FBXO34: variants seen among roughly 807,000 people sequenced by gnomAD.
FBXO34 encodes the protein F-box only protein 34.
Under a neutral mutation model 24.5 loss-of-function variants are expected in FBXO34, and 12 were observed. That is an observed-to-expected ratio of 0.49 (90% CI 0.31 to 0.79). FBXO34 has a LOEUF of 0.79. Among genes scored for constraint, FBXO34 ranks in the 30% least tolerant of loss-of-function variants. The pLI, the probability that FBXO34 is intolerant of heterozygous loss-of-function variation, is 0.04. For missense variants in FBXO34, 823 were observed against 857.7 expected (o/e 0.96, Z 0.51); for synonymous variants, 320 against 311.9 (o/e 1.03, Z -0.27).
intron 1 of FBXO34, among the ~76,000 whole-genome samples, chr14:55,337,375 A>C (rs896250194): frequency 6.6e-6 from 1 of 152,224 alleles, no homozygotes; most frequent in Non-Finnish European, 1.5e-5. Context: ...AATTGACACC[A>C]CAACAGTATA....
chr14:55,431,124 A>T, the FBXO34 span, among the ~76,000 whole-genome samples: 4 of 152,148 alleles, frequency 2.6e-5, no homozygotes, highest in Non-Finnish European at 4.4e-5. Flanking sequence ...TATCCCTCAT[A>T]CTCTTGCTGT....
In FBXO34 at chr14:55,353,381, C is replaced by G. The variant is rs866815242; in HGVS notation, c.*855C>G. On this transcript the variant is annotated 3_prime_UTR_variant, in exon 2 of 2. Coordinates refer to ENST00000313833, the MANE Select transcript of FBXO34 (RefSeq NM_017943.4). ...TTTCCTGTATAATATATGAATGTTT[C>G]TGAGAAGAAACTCTAAATAGTTGAA... 1 of 166,362 alleles carries G rather than the reference C, an allele frequency of 6.0e-6. No homozygotes were observed. The allele number at this position is 166,362 out of a possible 1,614,324, so 10.3% of individuals were successfully genotyped here. A position where few individuals can be genotyped will look rare whatever the true frequency, so the allele number is the denominator to read the frequency against.
At chr14:55,396,030 C>T in the FBXO34 span, 11 of 1,430,434 alleles carry the variant, frequency 7.7e-6, no homozygotes, top group Admixed American at 1.8e-4. Flanking sequence ...TAATAAAATT[C>T]TGTGAAGTTC....
At chr14:55,294,355 T>G (rs374610646) in intron 1 of FBXO34, among the ~76,000 whole-genome samples, 2 of 152,056 alleles carry the variant, frequency 1.3e-5, no homozygotes, top group Admixed American at 1.3e-4. Flanking sequence ...AGTGCAGTGG[T>G]GTGAACACTG....
At chr14:55,284,537 A>G (rs1238983665) in intron 1 of FBXO34, among the ~76,000 whole-genome samples, 1 of 141,522 alleles carries the variant, frequency 7.1e-6, no homozygotes. Context: ...AAAAAAGTGA[A>G]TGATTTATTT....
chr14:55,438,908 A>G, the FBXO34 span: 1 of 128,012 alleles, frequency 7.8e-6, no homozygotes, highest in Admixed American at 7.4e-5. Flanking sequence ...TCTCCCACCA[A>G]AAAAAAAAAA....
chr14:55,386,830 T>G, the FBXO34 span, among the ~76,000 whole-genome samples: 1 of 152,218 alleles, frequency 6.6e-6, no homozygotes, highest in African/African-American at 2.4e-5. Context: ...TTCACTTGAA[T>G]GACAAAAACA....
the FBXO34 span, among the ~76,000 whole-genome samples, chr14:55,408,682 G>C: frequency 6.6e-6 from 1 of 152,170 alleles, no homozygotes; most frequent in African/African-American, 2.4e-5. Context: ...AAGATGGGAG[G>C]ATTGCTTGAG....
At chr14:55,382,751 C>T in the FBXO34 span, among the ~76,000 whole-genome samples, 8,863 of 152,216 alleles carry the variant, frequency 0.058, 327 homozygotes, top group South Asian at 0.09. Context: ...GAAGACGGAA[C>T]CATGAGGTAG....
the FBXO34 span, among the ~76,000 whole-genome samples, chr14:55,410,166 C>G: frequency 6.6e-6 from 1 of 152,108 alleles, no homozygotes; most frequent in Non-Finnish European, 1.5e-5. Context: ...TGATGGAAAA[C>G]AAGGAGTTCA....
chr14:55,279,116 C>T (rs770665515), intron 1 of FBXO34, among the ~76,000 whole-genome samples: 41 of 151,944 alleles, frequency 2.7e-4, no homozygotes, highest in Middle Eastern at 3.2e-3. Context: ...TGGTGAAACC[C>T]CATCTACTAA....
chr14:55,401,770 A>G, the FBXO34 span, among the ~76,000 whole-genome samples: 1 of 152,208 alleles, frequency 6.6e-6, no homozygotes, highest in African/African-American at 2.4e-5. Flanking sequence ...CACCAGAGAA[A>G]GCACACAACC....
the FBXO34 span, chr14:55,411,910 G>C: frequency 3.9e-6 from 5 of 1,275,648 alleles, no homozygotes; most frequent in Non-Finnish European, 5.4e-6. Context: ...GGGAAGGGGG[G>C]CTGGGATGCC....
intron 1 of FBXO34, among the ~76,000 whole-genome samples, chr14:55,316,322 C>T (rs1221715175): frequency 6.6e-6 from 1 of 151,936 alleles, no homozygotes; most frequent in Non-Finnish European, 1.5e-5. Context: ...TGCAGTGGCT[C>T]ACACCTGTAA....
chr14:55,432,967 C>G, the FBXO34 span, among the ~76,000 whole-genome samples: 1 of 152,170 alleles, frequency 6.6e-6, no homozygotes, highest in African/African-American at 2.4e-5. Context: ...ATCCATTTAT[C>G]TGCAATGAGG....
At chr14:55,348,432 G>A (rs1300544073) in intron 1 of FBXO34, among the ~76,000 whole-genome samples, 4 of 152,168 alleles carry the variant, frequency 2.6e-5, no homozygotes, top group Non-Finnish European at 4.4e-5. Flanking sequence ...AGGTCTTGCC[G>A]CGTTGCCCAG....
At chr14:55,296,391 G>GTTTTGTTTTTTTTTTTTT (rs1338074763) in intron 1 of FBXO34, among the ~76,000 whole-genome samples, 2 of 64,764 alleles carry the variant, frequency 3.1e-5, no homozygotes, top group African/African-American at 1.1e-4. Flanking sequence ...TGTTTTTTTT[G>GTTTTGTTTTTTTTTTTTT]TTTTTTTTTT....
chr14:55,342,205 A>C (rs899330492), intron 1 of FBXO34, among the ~76,000 whole-genome samples: 1 of 152,204 alleles, frequency 6.6e-6, no homozygotes, highest in Admixed American at 6.5e-5. Context: ...TATTATAGAT[A>C]ACTTTGAAGC....
chr14:55,318,530 T>G (rs558342778), intron 1 of FBXO34, among the ~76,000 whole-genome samples: 5 of 149,698 alleles, frequency 3.3e-5, no homozygotes, highest in African/African-American at 1.2e-4. Flanking sequence ...TTTTTTTTTG[T>G]TTTTGTTTTT....
Sources: gnomAD v4.1 joint callset for allele counts (sites outside exome capture counted in the v4.1 genomes callset) on GRCh38, gnomAD v4.1.1 for gene constraint, MANE v1.5 for transcripts, NCBI Gene and HGNC (gene_info 2026-07-23, HGNC 2026-07-21) for gene names.